The following TNS1 variants were observed in gnomAD, a reference collection of about 807,000 sequenced individuals.
The protein encoded by TNS1 is tensin 1.
Under a neutral mutation model 168.6 loss-of-function variants are expected in TNS1, and 62 were observed. The observed-to-expected ratio is 0.37, with a 90% CI of 0.30 to 0.45. The LOEUF is 0.45. Among genes scored for constraint, TNS1 ranks in the 20% least tolerant of loss-of-function variants. The pLI is 1.00. For missense variants in TNS1, 2,240 were observed against 2,339.4 expected (o/e 0.96, Z 0.88); for synonymous variants, 934 against 933.2 (o/e 1.00, Z -0.02).
At chr2:217,937,967 C>T (rs1262929938) in intron 3 of TNS1, among the ~76,000 whole-genome samples, 1 of 152,116 alleles carries the variant, frequency 6.6e-6, no homozygotes, top group Admixed American at 6.6e-5. Context: ...TACAGGGTGG[C>T]TGGAGACCAG....
chr2:217,895,902 C>T (rs182990308), intron 8 of TNS1, among the ~76,000 whole-genome samples: 3 of 152,336 alleles, frequency 2.0e-5, no homozygotes, highest in African/African-American at 7.2e-5. Context: ...AGAGGGGTGG[C>T]AGGGCACCAA....
At chr2:217,854,291 A>G (rs1309020893) in intron 18 of TNS1, among the ~76,000 whole-genome samples, 2 of 152,184 alleles carry the variant, frequency 1.3e-5, no homozygotes, top group African/African-American at 2.4e-5. Context: ...ATGAAGAATA[A>G]AAGGTGCCAG....
intron 3 of TNS1, among the ~76,000 whole-genome samples, chr2:217,945,701 G>A (rs1957087361): frequency 6.6e-6 from 1 of 152,130 alleles, no homozygotes; most frequent in South Asian, 2.1e-4. Context: ...ACTTGGCCTA[G>A]TCCTCCCTAG....
chr2:217,838,754 T>C (rs1945514287), intron 19 of TNS1, among the ~76,000 whole-genome samples: 1 of 152,168 alleles, frequency 6.6e-6, no homozygotes, highest in Non-Finnish European at 1.5e-5. Flanking sequence ...CTTGTCTTGC[T>C]CTATGGGAGG....
At chr2:218,012,088 G>A (rs1311617917), upstream of TNS1, among the ~76,000 whole-genome samples, 4 of 152,152 alleles carry the variant, frequency 2.6e-5, no homozygotes, top group Non-Finnish European at 5.9e-5. Context: ...TGCAGAGGGG[G>A]CCTTCCTCCT....
Position 218,002,900 on chromosome 2 carries a change from G to A in TNS1, c.-28C>T, listed in dbSNP as rs765481487. On this transcript the variant is annotated 5_prime_UTR_variant, in exon 1 of 33. Coordinates refer to ENST00000682258, the MANE Select transcript of TNS1 (RefSeq NM_001387777.1). Reference sequence around the variant, plus strand: ...TTGCTGGGTCCCGTCACTGAGGCACGCCCAGGGCCTGTGAAGAGCCCCTGA... The same window carrying A: ...TTGCTGGGTCCCGTCACTGAGGCACACCCAGGGCCTGTGAAGAGCCCCTGA... 5 of 456,600 alleles carry A rather than the reference G, an allele frequency of 1.1e-5. No homozygotes were observed. Among genetic ancestry groups the A allele is most frequent in the African/African-American group, 2.0e-5 (1 of 50,052 alleles). 28.3% of individuals were successfully genotyped at this position (456,600 alleles called of 1,614,324 possible).
intron 11 of TNS1, among the ~76,000 whole-genome samples, chr2:217,892,158 C>T: frequency 6.6e-6 from 1 of 152,134 alleles, no homozygotes; most frequent in African/African-American, 2.4e-5. Context: ...AGTGCAGTGG[C>T]ACCATCTTGG....
intron 3 of TNS1, among the ~76,000 whole-genome samples, chr2:217,945,874 AG>A (rs1310939473): frequency 3.9e-5 from 6 of 152,256 alleles, no homozygotes; most frequent in Non-Finnish European, 8.8e-5. Flanking sequence ...GAGGGAAGTT[AG>A]GGGATCCCGG....
intron 19 of TNS1, among the ~76,000 whole-genome samples, chr2:217,843,333 T>G (rs1416299509): frequency 6.6e-6 from 1 of 152,040 alleles, no homozygotes; most frequent in Non-Finnish European, 1.5e-5. Context: ...CTTCTTTCTT[T>G]CTCTTCTTTT....
At chr2:217,857,514 G>A (rs1390169529) in intron 18 of TNS1, among the ~76,000 whole-genome samples, 1 of 152,220 alleles carries the variant, frequency 6.6e-6, no homozygotes, top group East Asian at 1.9e-4. Context: ...TGGTGCTTCT[G>A]TCAAGCGATG....
intron 18 of TNS1, among the ~76,000 whole-genome samples, chr2:217,861,295 A>G (rs930153917): frequency 6.6e-6 from 1 of 152,164 alleles, no homozygotes; most frequent in East Asian, 1.9e-4. Context: ...CAGATACTGA[A>G]TGAGACGTGC....
intron 1 of TNS1, among the ~76,000 whole-genome samples, chr2:218,000,812 G>GGA (rs1411737977): frequency 1.3e-5 from 2 of 152,158 alleles, no homozygotes; most frequent in South Asian, 4.1e-4. Flanking sequence ...GACTAGGAGA[G>GGA]GAGAGGAAAA....
chr2:217,973,737 T>C (rs1957826503), intron 3 of TNS1, among the ~76,000 whole-genome samples: 1 of 152,112 alleles, frequency 6.6e-6, no homozygotes, highest in Non-Finnish European at 1.5e-5. Flanking sequence ...ATCTGTACAA[T>C]GGGGCCACCG....
chr2:217,893,786 C>T (rs946215151), intron 9 of TNS1, among the ~76,000 whole-genome samples: 1 of 152,238 alleles, frequency 6.6e-6, no homozygotes, highest in African/African-American at 2.4e-5. Context: ...CGGGTCTTGG[C>T]CCTGGCACTG....
At chr2:217,900,170 G>T (rs147662599) in intron 7 of TNS1, among the ~76,000 whole-genome samples, 34 of 152,328 alleles carry the variant, frequency 2.2e-4, no homozygotes, top group African/African-American at 7.9e-4. Context: ...TCTCTGAAAT[G>T]CTGCTCTACC....
intron 27 of TNS1, 71 bp from the exon 28 acceptor site, chr2:217,812,516 C>T: frequency 1.6e-6 from 2 of 1,282,264 alleles, no homozygotes; most frequent in Non-Finnish European, 1.1e-6. Context: ...CACCTCTACC[C>T]TTACACCGAT....
At chr2:217,982,295 A>G (rs59479136) in intron 2 of TNS1, among the ~76,000 whole-genome samples, 1,613 of 152,146 alleles carry the variant, frequency 0.011, 26 homozygotes, top group African/African-American at 0.036. Context: ...CTGCACCTTT[A>G]TAAGACACTC....
In TNS1 at chr2:217,922,618, G is replaced by A. The variant is rs118141541; in HGVS notation, c.187-2382C>T. Among the ~76,000 whole-genome samples the A allele has an allele frequency of 4.0e-4, 61 of 152,358 alleles. No homozygotes were observed. The East Asian group carries it at 0.011, about 28-fold the overall frequency. ...GTTATGGCTACATTTTGAACCAGCA[G>A]CAGAAGAGACAGGTGTTCTCTGAGA... On this transcript the variant is annotated intron_variant, in intron 3 of 32. Coordinates refer to ENST00000682258, the MANE Select transcript of TNS1 (RefSeq NM_001387777.1).
At chr2:218,022,310 T>C (rs967269002) in intron 1 of TNS1, among the ~76,000 whole-genome samples, 1 of 152,106 alleles carries the variant, frequency 6.6e-6, no homozygotes, top group South Asian at 2.1e-4. Flanking sequence ...TACCCCACCA[T>C]GCCCAGGCCT....
Sources: gnomAD v4.1 joint callset for allele counts (sites outside exome capture counted in the v4.1 genomes callset) on GRCh38, gnomAD v4.1.1 for gene constraint, MANE v1.5 for transcripts, NCBI Gene and HGNC (gene_info 2026-07-23, HGNC 2026-07-21) for gene names.